HDAC4: variants seen among roughly 807,000 people sequenced by gnomAD.
HDAC4 encodes histone deacetylase A.
Under a neutral mutation model 135.1 loss-of-function variants are expected in HDAC4, and 16 were observed. The observed-to-expected ratio is 0.12, with a 90% confidence interval of 0.08 to 0.18. The LOEUF (loss-of-function observed/expected upper bound fraction) is 0.18, where lower values mean the gene tolerates loss of function less well. Ranked by LOEUF, HDAC4 falls within the 10% of genes least tolerant of loss-of-function variation. The pLI, the probability that HDAC4 is intolerant of heterozygous loss-of-function variation, is 1.00. For missense variants in HDAC4, 1,143 were observed against 1,511.8 expected (o/e 0.76, Z 4.05); for synonymous variants, 685 against 653.4 (o/e 1.05, Z -0.74).
chr2:239,066,603 G>T, intron 24 of HDAC4, 119 bp downstream of exon 24: 1 of 1,333,224 alleles, frequency 7.5e-7, no homozygotes, highest in Non-Finnish European at 1.1e-6. Context: ...GGAGCTGCAA[G>T]CATCCACGTG....
chr2:239,273,027 T>C lies in HDAC4; in HGVS notation c.23-36363A>G, dbSNP rs2125256788. On this transcript the variant is annotated intron_variant, in intron 2 of 26. Transcript: ENST00000543185. ...GATAAATGATACCCCACACAGGGTC[T>C]ACATCCTCATTCCCGGAACCTAGAA... Among the ~76,000 whole-genome samples the C allele has an allele frequency of 2.6e-5, 4 of 152,286 alleles. 1 individual carries two copies. The Middle Eastern group carries it at 0.01, about 388-fold the overall frequency.
At chr2:239,275,858 C>T (rs1216805030) in intron 2 of HDAC4, among the ~76,000 whole-genome samples, 1 of 152,176 alleles carries the variant, frequency 6.6e-6, no homozygotes, top group Non-Finnish European at 1.5e-5. Flanking sequence ...CATGGTGCCA[C>T]GTGCCACCCT....
At position 239,107,969 on chromosome 2, in the gene HDAC4, C is replaced by T. The variant is rs1268848993; in HGVS notation, c.2112+81G>A. 7.7e-6 allele frequency: 12 copies of T among 1,566,650 alleles called. No individual in the cohort carries two copies. In the Admixed American group the frequency reaches 1.5e-4, roughly 20 times the overall value. Reference sequence around the variant, plus strand: ...CAAAGAACCACCTGCAAAACCAACACCCTGAATCACGCGGGCCCACGAGGG... The same window carrying T: ...CAAAGAACCACCTGCAAAACCAACATCCTGAATCACGCGGGCCCACGAGGG... On this transcript the variant is annotated intron_variant, in intron 15 of 26. Coordinates refer to ENST00000543185, the MANE Select transcript of HDAC4 (RefSeq NM_001378414.1).
At chr2:239,275,182 G>A (rs1468210796) in intron 2 of HDAC4, among the ~76,000 whole-genome samples, 1 of 152,302 alleles carries the variant, frequency 6.6e-6, no homozygotes, top group African/African-American at 2.4e-5. Flanking sequence ...CCCGTGGGCC[G>A]AAGCCACCCC....
At chr2:239,183,888 C>T (rs541152389) in intron 4 of HDAC4, among the ~76,000 whole-genome samples, 29 of 146,058 alleles carry the variant, frequency 2.0e-4, no homozygotes, top group African/African-American at 5.2e-4. Flanking sequence ...TCATGACCCA[C>T]GCTCCCAGTG....
At chr2:239,113,799 A>T (rs1198744892) in intron 13 of HDAC4, among the ~76,000 whole-genome samples, 1 of 152,158 alleles carries the variant, frequency 6.6e-6, no homozygotes, top group Non-Finnish European at 1.5e-5. Flanking sequence ...ACCATGAAGC[A>T]CCGTGTGTGT....
Position 239,099,942 on chromosome 2 carries a change from C to T in HDAC4, c.2233+2834G>A, listed in dbSNP as rs993104206. 3.3e-5 allele frequency among the ~76,000 whole-genome samples: 5 copies of T among 152,344 alleles called. No homozygotes were observed. In the South Asian group the frequency reaches 8.3e-4, roughly 25 times the overall value. On this transcript the variant is annotated intron_variant, in intron 16 of 26. Transcript: ENST00000543185. ...TGGAGGGTGAAAGCTCTGGCCCTTG[C>T]ATGCCTGGAATGCCTCTGTGCCACC...
At chr2:239,321,464 C>CAAAAAA (rs10530231) in intron 2 of HDAC4, among the ~76,000 whole-genome samples, 1 of 56,306 alleles carries the variant, frequency 1.8e-5, no homozygotes, top group Non-Finnish European at 3.3e-5. Context: ...GACTCCGTCT[C>CAAAAAA]AAAAAAAAAA....
In HDAC4 at chr2:239,082,070, T is replaced by TC. The variant is rs747678970; in HGVS notation, c.2652+31dup. The stretch of plus-strand genomic sequence containing the variant: ...ACAGCGGCTCCCCGCAGTCCCCCTT[T>TC]CCCCCCAGAGGCCCTTATATACCCC... On this transcript the variant is annotated intron_variant, in intron 21 of 26. Coordinates refer to ENST00000543185, the MANE Select transcript of HDAC4 (RefSeq NM_001378414.1). 4 of 1,612,300 alleles carry TC rather than the reference T, an allele frequency of 2.5e-6. No homozygotes were observed. The South Asian group carries it at 3.3e-5, about 13-fold the overall frequency.
chr2:239,371,407 G>A (rs1226448809), intron 1 of HDAC4, among the ~76,000 whole-genome samples: 1 of 151,698 alleles, frequency 6.6e-6, no homozygotes, highest in East Asian at 1.9e-4. Flanking sequence ...ACAAACACAA[G>A]CATGCACTTA....
chr2:239,322,034 A>C (rs755401244), intron 2 of HDAC4, among the ~76,000 whole-genome samples: 6 of 152,282 alleles, frequency 3.9e-5, no homozygotes, highest in Non-Finnish European at 7.3e-5. Context: ...AAGCTGCTCA[A>C]GACTCCCACT....
At chr2:239,183,499 C>T (rs1460820439) in intron 4 of HDAC4, among the ~76,000 whole-genome samples, 2 of 152,242 alleles carry the variant, frequency 1.3e-5, no homozygotes, top group Non-Finnish European at 2.9e-5. Flanking sequence ...TGGGGTAGGG[C>T]CACGGCATCC....
At chr2:239,233,654 T>C (rs979560601) in intron 3 of HDAC4, among the ~76,000 whole-genome samples, 18 of 152,162 alleles carry the variant, frequency 1.2e-4, no homozygotes, top group African/African-American at 4.1e-4. Context: ...TAGGACTAAG[T>C]GTATTGAAAA....
chr2:239,343,000 G>C (rs1199685496), intron 2 of HDAC4, among the ~76,000 whole-genome samples: 1 of 152,156 alleles, frequency 6.6e-6, no homozygotes, highest in East Asian at 1.9e-4. Context: ...GGGAAGGAGA[G>C]AGAAGCAAAC....
chr2:239,210,409 G>A (rs1331108145), intron 3 of HDAC4, among the ~76,000 whole-genome samples: 3 of 152,166 alleles, frequency 2.0e-5, no homozygotes, highest in Admixed American at 6.5e-5. Context: ...AATCCAAACC[G>A]TATGCTGACT....
intron 22 of HDAC4, among the ~76,000 whole-genome samples, chr2:239,078,698 G>A (rs547010614): frequency 1.3e-5 from 2 of 152,326 alleles, no homozygotes; most frequent in South Asian, 2.1e-4. Flanking sequence ...TGGGCCGGCC[G>A]GGGCCTGGGG....
At chr2:239,279,870 T>C (rs562152737) in intron 2 of HDAC4, among the ~76,000 whole-genome samples, 189 of 152,340 alleles carry the variant, frequency 1.2e-3, no homozygotes, top group African/African-American at 4.4e-3. Flanking sequence ...CCCAGGACCC[T>C]TCCCTAATGT....
chr2:239,102,944 G>A (rs2037795125), intron 15 of HDAC4, 48 bp from the exon 16 acceptor site: 1 of 1,612,422 alleles, frequency 6.2e-7, no homozygotes, highest in African/African-American at 1.3e-5. Context: ...AGAAGCTGCT[G>A]CTTCAGCTCC....
Position 239,309,676 on chromosome 2 carries a change from C to T in HDAC4, c.22+43002G>A, listed in dbSNP as rs370569776. On this transcript the variant is annotated intron_variant, in intron 2 of 26. Transcript: ENST00000543185. The surrounding 1 kb of genome is among the most constrained non-coding windows in gnomAD (Gnocchi z 4.2). ...GGAGGTCAAGTCATAGGGCCTCCAC[C>T]GCAGGCAGAGCTCCGCCAGCAAGTA... Among the ~76,000 whole-genome samples, 19 of 152,222 alleles carry T rather than the reference C, an allele frequency of 1.2e-4. No homozygotes were observed. Among genetic ancestry groups the T allele is most frequent in the African/African-American group, 4.3e-4 (18 of 41,460 alleles).
Sources: allele counts gnomAD v4.1 joint callset (sites outside exome capture counted in the v4.1 genomes callset), GRCh38; gene constraint gnomAD v4.1.1; non-coding constraint Gnocchi (gnomAD v3.1); transcripts MANE v1.5; gene names NCBI Gene and HGNC (gene_info 2026-07-23, HGNC 2026-07-21).